Variants in XRCC6 observed in about 807,000 individuals in gnomAD.
The protein encoded by XRCC6 is X-ray repair cross complementing 6, also known as DNA repair protein Ku70.
XRCC6 carries 5 observed loss-of-function variants against 65.7 expected under a neutral mutation model. That is an observed-to-expected ratio of 0.08 (90% confidence interval 0.04 to 0.16). XRCC6 has a LOEUF of 0.16. Ranked by LOEUF, XRCC6 falls within the 10% of genes least tolerant of loss-of-function variation. The pLI, the probability that XRCC6 is intolerant of heterozygous loss-of-function variation, is 1.00. For synonymous variants in XRCC6, 270 were observed against 270.6 expected, an observed-to-expected ratio of 1.00 and a Z score of 0.02; for missense variants, 447 against 738.1, an observed-to-expected ratio of 0.61 and a Z score of 4.57.
chr22:41,648,097 A>G (rs1452785170), intron 7 of XRCC6: 1 of 122,954 alleles, frequency 8.1e-6, no homozygotes. Flanking sequence ...TCTTTCCGCT[A>G]GTCAAGTGAA....
At chr22:41,623,363 G>A (rs892409604) in intron 2 of XRCC6, among the ~76,000 whole-genome samples, 2 of 151,990 alleles carry the variant, frequency 1.3e-5, no homozygotes, top group African/African-American at 4.8e-5. Flanking sequence ...ATAGTCATGA[G>A]CCTCCATGCC....
Position 41,622,053 on chromosome 22 carries a change from G to A in XRCC6, c.49G>A (p.Glu17Lys). 1 of 1,614,260 alleles carries A rather than the reference G, an allele frequency of 6.2e-7. No individual in the cohort carries two copies. The highest frequency in any genetic ancestry group is 8.5e-7 in the Non-Finnish European group (1 of 1,180,040). The change falls in exon 2 of 13, where the codon GAG becomes AAG. Residue 17 changes from glutamate (E) to lysine (K), a missense_variant. By Grantham distance (56) the Glu-to-Lys change is moderately conservative (BLOSUM62 1). Transcript: ENST00000360079. ...CAAAACCGAGGGCGATGAAGAAGCA[G>A]AGGAAGAACAAGAAGAGAACCTTGA... ...YYKTEGDEEA[E>K]EEQEENLEAS...
chr22:41,628,433 C>T, intron 3 of XRCC6: 1 of 438,160 alleles, frequency 2.3e-6, no homozygotes, highest in Non-Finnish European at 4.1e-6. Flanking sequence ...TGGTGCAAAC[C>T]TGTAGTCCTA....
intron 6 of XRCC6, among the ~76,000 whole-genome samples, chr22:41,640,568 G>A (rs1317163206): frequency 6.6e-6 from 1 of 152,102 alleles, no homozygotes; most frequent in African/African-American, 2.4e-5. Flanking sequence ...TCAGTATAGG[G>A]GTCCATGACC....
rs1389741390 is a variant in XRCC6 at position 41,637,804 on chromosome 22, C to G, written c.773+13C>G. On this transcript the variant is annotated intron_variant, in intron 6 of 12. Transcript: ENST00000360079. ...GAGCACTCAGCAGGTGTGCACTCAG[C>G]CCGGGTCAGCTGCCTACACTGCCCT... The G allele has an allele frequency of 1.9e-6, 3 of 1,611,700 alleles. No homozygotes were observed. The highest frequency in any genetic ancestry group is 2.5e-6 in the Non-Finnish European group (3 of 1,178,992).
intron 6 of XRCC6, among the ~76,000 whole-genome samples, chr22:41,640,698 T>A (rs78813514): frequency 0.014 from 2,063 of 152,344 alleles, 49 homozygotes; most frequent in African/African-American, 0.047. Context: ...GTCATTGTTC[T>A]CCTTTTCCTC....
At chr22:41,640,500 G>A (rs2067864400) in intron 6 of XRCC6, among the ~76,000 whole-genome samples, 1 of 152,134 alleles carries the variant, frequency 6.6e-6, no homozygotes, top group East Asian at 1.9e-4. Flanking sequence ...AACCAGGCTG[G>A]TCTGAGACTC....
intron 7 of XRCC6, among the ~76,000 whole-genome samples, chr22:41,650,021 CAAATAAT>C (rs1270029904): frequency 6.6e-6 from 1 of 151,646 alleles, no homozygotes; most frequent in African/African-American, 2.4e-5. Flanking sequence ...GACTGCATCT[CAAATAAT>C]AAATAATAAT....
chr22:41,638,921 A>G (rs1186235190), intron 6 of XRCC6, among the ~76,000 whole-genome samples: 1 of 152,200 alleles, frequency 6.6e-6, no homozygotes. Context: ...ACATGACTGC[A>G]TACTTTTATA....
chr22:41,649,139 AATATAT>A lies in XRCC6; in HGVS notation c.961-1565_961-1560del, dbSNP rs1555906700. Reference sequence around the variant, plus strand: ...GGGAAGAGAGTACAAAAAAAAAAAAAATATATATATATATATATATATATGTATGTA... The same window carrying A: ...GGGAAGAGAGTACAAAAAAAAAAAAAATATATATATATATATATGTATGTA... On this transcript the variant is annotated intron_variant, in intron 7 of 12. Coordinates refer to ENST00000360079, the MANE Select transcript of XRCC6 (RefSeq NM_001469.5). Among the ~76,000 whole-genome samples, 19 of 88,736 alleles carry A rather than the reference AATATAT, an allele frequency of 2.1e-4. 1 individual carries two copies. The highest frequency in any genetic ancestry group is 1.9e-3 in the Admixed American group (11 of 5,792). 58.2% of individuals were successfully genotyped at this position (88,736 alleles called of 152,430 possible).
rs1022128260 is a variant in XRCC6, at chr22:41,660,633, C to T, written c.1523-698C>T. On this transcript the variant is annotated intron_variant, in intron 11 of 12. Transcript: ENST00000360079. ...TGGCCCTGTCCTCCTTAACACCCTACCTTCCAGCTATATGTCACCTGCTAT... is the reference window on the plus strand; with the variant it reads ...TGGCCCTGTCCTCCTTAACACCCTATCTTCCAGCTATATGTCACCTGCTAT... Among the ~76,000 whole-genome samples the T allele has an allele frequency of 2.0e-5, 3 of 152,144 alleles. No homozygotes were observed. The South Asian group carries it at 6.2e-4, about 32-fold the overall frequency.
chr22:41,628,189 CAG>C lies in XRCC6; in HGVS notation c.157_158del (p.Ser53Ter). ...VDASKAMFES[Q>X]SEDELTPFDM... ...TGCCTCCAAGGCTATGTTTGAATCTCAGAGTGAAGATGAGTTGACACCTTTTG... is the reference window on the plus strand; with the variant it reads ...TGCCTCCAAGGCTATGTTTGAATCTCAGTGAAGATGAGTTGACACCTTTTG... On this transcript the variant is annotated frameshift_variant, in exon 3 of 13. Transcript: ENST00000360079. LOFTEE classifies it high-confidence loss of function. 1 of 1,613,794 alleles carries C rather than the reference CAG, an allele frequency of 6.2e-7. No individual in the cohort carries two copies. The highest frequency in any genetic ancestry group is 8.5e-7 in the Non-Finnish European group (1 of 1,179,882).
chr22:41,626,643 G>GTT (rs775432486), intron 2 of XRCC6, among the ~76,000 whole-genome samples: 7 of 129,534 alleles, frequency 5.4e-5, no homozygotes, highest in Non-Finnish European at 6.5e-5. Context: ...TTTTTTTTTT[G>GTT]TTTTTTTTTT....
chr22:41,656,187 C>T (rs2068042888), intron 9 of XRCC6, among the ~76,000 whole-genome samples: 1 of 147,626 alleles, frequency 6.8e-6, no homozygotes, highest in South Asian at 2.2e-4. Context: ...CACTGCATTC[C>T]AGCCTGGGTG....
intron 11 of XRCC6, among the ~76,000 whole-genome samples, chr22:41,660,283 A>G (rs1010701083): frequency 2.0e-5 from 3 of 152,208 alleles, no homozygotes; most frequent in Non-Finnish European, 4.4e-5. Context: ...TCTTTCCTCC[A>G]AAGTTGCCTT....
intron 1 of XRCC6, chr22:41,621,715 C>G (rs996867778): frequency 6.7e-6 from 3 of 450,814 alleles, no homozygotes; most frequent in African/African-American, 4.0e-5. Context: ...CCCTCACCGT[C>G]TAAATGGCGT....
At chr22:41,636,846 G>C (rs111512580) in intron 5 of XRCC6, 76 bp downstream of exon 5, 10 of 1,514,416 alleles carry the variant, frequency 6.6e-6, no homozygotes, top group Non-Finnish European at 8.8e-6. Context: ...TAGGAGTTCA[G>C]GAGTCTTGGC....
chr22:41,655,391 A>C (rs979600222), intron 9 of XRCC6, among the ~76,000 whole-genome samples: 4 of 151,972 alleles, frequency 2.6e-5, no homozygotes, highest in African/African-American at 9.7e-5. Context: ...TCTATCCACA[A>C]AATTGTTAAG....
intron 12 of XRCC6, among the ~76,000 whole-genome samples, chr22:41,662,011 A>G (rs555192824): frequency 1.3e-5 from 2 of 152,348 alleles, no homozygotes; most frequent in Admixed American, 6.5e-5. Context: ...TGTGGAATCT[A>G]AAAATCAAAA....
Sources: allele counts gnomAD v4.1 joint callset (sites outside exome capture counted in the v4.1 genomes callset), GRCh38; gene constraint gnomAD v4.1.1; transcripts MANE v1.5; gene names NCBI Gene and HGNC (gene_info 2026-07-23, HGNC 2026-07-21).